DOCK4: variants seen among roughly 807,000 people sequenced by gnomAD.
DOCK4 encodes dedicator of cytokinesis 4.
DOCK4 carries 97 observed loss-of-function variants against 268.1 expected under a neutral mutation model. That is an observed-to-expected ratio of 0.36 (90% confidence interval 0.31 to 0.43). The LOEUF (loss-of-function observed/expected upper bound fraction) is 0.43, where lower values mean the gene tolerates loss of function less well. Ranked by LOEUF, DOCK4 falls within the 20% of genes least tolerant of loss-of-function variation. DOCK4 has a pLI of 1.00. For synonymous variants in DOCK4, 954 were observed against 887.2 expected, an observed-to-expected ratio of 1.08 and a Z score of -1.34; for missense variants, 2,145 against 2,455.7, an observed-to-expected ratio of 0.87 and a Z score of 2.67.
At chr7:112,184,899 G>T (rs1819368927) in intron 1 of DOCK4, among the ~76,000 whole-genome samples, 1 of 152,070 alleles carries the variant, frequency 6.6e-6, no homozygotes, top group Non-Finnish European at 1.5e-5. Flanking sequence ...ATCATCCACA[G>T]TAATTCCTCA....
intron 42 of DOCK4, among the ~76,000 whole-genome samples, chr7:111,747,657 T>C (rs779612693): frequency 2.6e-5 from 4 of 152,224 alleles, no homozygotes; most frequent in Admixed American, 6.5e-5. Flanking sequence ...TACTTATTCA[T>C]TGAAATGTGG....
intron 1 of DOCK4, among the ~76,000 whole-genome samples, chr7:112,133,326 T>C (rs554706962): frequency 1.3e-5 from 2 of 152,290 alleles, no homozygotes; most frequent in South Asian, 2.1e-4. Flanking sequence ...ACTCCACAAA[T>C]GTTCTTATTA....
chr7:112,114,744 T>C (rs1811970859), intron 1 of DOCK4, among the ~76,000 whole-genome samples: 1 of 150,886 alleles, frequency 6.6e-6, no homozygotes, highest in Admixed American at 6.7e-5. Flanking sequence ...CTATTTTTTC[T>C]GCAAGAACAA....
chr7:111,752,760 G>A (rs988351011), intron 42 of DOCK4, among the ~76,000 whole-genome samples: 17 of 151,378 alleles, frequency 1.1e-4, no homozygotes, highest in Non-Finnish European at 1.6e-4. Flanking sequence ...CTACTTTTTT[G>A]TATTTTTAGT....
chr7:111,815,304 A>G (rs1404396188), intron 27 of DOCK4, among the ~76,000 whole-genome samples: 7 of 152,212 alleles, frequency 4.6e-5, no homozygotes, highest in Non-Finnish European at 7.3e-5. Flanking sequence ...GGCAGTTCCC[A>G]GAGCTTTCTA....
intron 1 of DOCK4, among the ~76,000 whole-genome samples, chr7:112,081,077 A>G (rs1309765583): frequency 6.6e-6 from 1 of 152,152 alleles, no homozygotes; most frequent in Non-Finnish European, 1.5e-5. Flanking sequence ...GACATCTGAG[A>G]AGACAAGAAG....
At chr7:111,850,745 T>C (rs10225884) in intron 23 of DOCK4, among the ~76,000 whole-genome samples, 4 of 145,066 alleles carry the variant, frequency 2.8e-5, no homozygotes, top group African/African-American at 9.7e-5. Context: ...ACCCCTGCCC[T>C]CAAGAGAACA....
chr7:111,796,799 T>G (rs1799925828), intron 30 of DOCK4, among the ~76,000 whole-genome samples: 1 of 151,966 alleles, frequency 6.6e-6, no homozygotes, highest in African/African-American at 2.4e-5. Flanking sequence ...ATTTAGGAAG[T>G]GAAAGGGGGA....
intron 3 of DOCK4, among the ~76,000 whole-genome samples, 152 bp from the exon 4 acceptor site, chr7:111,998,655 T>C (rs1200800597): frequency 6.6e-6 from 1 of 152,238 alleles, no homozygotes; most frequent in African/African-American, 2.4e-5. Context: ...TGAAATCTAC[T>C]GTGGCTTAAG....
chr7:111,798,864 G>A (rs184706692), intron 30 of DOCK4, among the ~76,000 whole-genome samples: 2 of 152,288 alleles, frequency 1.3e-5, no homozygotes, highest in East Asian at 3.9e-4. Flanking sequence ...CCATTTGAAA[G>A]GAAAGATATT....
intron 12 of DOCK4, among the ~76,000 whole-genome samples, chr7:111,919,788 T>C (rs1792949486): frequency 6.6e-6 from 1 of 152,130 alleles, no homozygotes; most frequent in African/African-American, 2.4e-5. Context: ...CCACAACATA[T>C]GACTAAGAAA....
At chr7:112,035,321 A>C (rs929941291) in intron 1 of DOCK4, among the ~76,000 whole-genome samples, 1 of 151,662 alleles carries the variant, frequency 6.6e-6, no homozygotes, top group Non-Finnish European at 1.5e-5. Flanking sequence ...TACTACAAAA[A>C]GAAAAAAAAT....
chr7:112,010,428 G>A (rs1171956099), intron 1 of DOCK4, among the ~76,000 whole-genome samples: 1 of 152,096 alleles, frequency 6.6e-6, no homozygotes, highest in East Asian at 1.9e-4. Context: ...ATGAAGTTAG[G>A]AGCAAGCTGG....
intron 7 of DOCK4, among the ~76,000 whole-genome samples, chr7:111,978,545 T>G (rs561473218): frequency 6.6e-6 from 1 of 152,256 alleles, no homozygotes; most frequent in South Asian, 2.1e-4. Context: ...AGATCCAGAT[T>G]ATGATGAGAG....
chr7:111,788,932 C>A, intron 31 of DOCK4, 185 bp from the exon 32 acceptor site: 2 of 620,814 alleles, frequency 3.2e-6, no homozygotes, highest in Non-Finnish European at 5.8e-6. Flanking sequence ...GATAGAGTTA[C>A]ATGACTTCAC....
intron 2 of DOCK4, among the ~76,000 whole-genome samples, chr7:112,001,840 G>T (rs757257642): frequency 6.6e-6 from 1 of 152,112 alleles, no homozygotes; most frequent in Non-Finnish European, 1.5e-5. Flanking sequence ...GTCTTAGGTC[G>T]CATCCCTTGC....
intron 1 of DOCK4, among the ~76,000 whole-genome samples, chr7:112,031,076 T>A (rs938806752): frequency 2.6e-5 from 4 of 152,200 alleles, no homozygotes; most frequent in African/African-American, 9.7e-5. Flanking sequence ...AGGAAGATTA[T>A]ACAAATAGAG....
intron 11 of DOCK4, 62 bp from the exon 12 acceptor site, chr7:111,935,690 A>C: frequency 2.1e-6 from 3 of 1,401,652 alleles, no homozygotes; most frequent in Middle Eastern, 1.8e-4. Flanking sequence ...AGTGATCCTC[A>C]TAGTACATCT....
intron 30 of DOCK4, among the ~76,000 whole-genome samples, chr7:111,803,888 C>A (rs138494645): frequency 1.8e-4 from 27 of 152,252 alleles, no homozygotes; most frequent in African/African-American, 5.3e-4. Context: ...ACCAAAACTG[C>A]AAATGAGATA....
Sources: allele counts gnomAD v4.1 joint callset (sites outside exome capture counted in the v4.1 genomes callset), GRCh38; gene constraint gnomAD v4.1.1; transcripts MANE v1.5; gene names NCBI Gene and HGNC (gene_info 2026-07-23, HGNC 2026-07-21).